MUC20: variants seen among roughly 807,000 people sequenced by gnomAD.
MUC20 encodes mucin 20, cell surface associated.
MUC20 carries 14 observed loss-of-function variants against 23.8 expected under a neutral mutation model. That is an observed-to-expected ratio of 0.59 (90% CI 0.39 to 0.92). The LOEUF is 0.92. Ranked by LOEUF, MUC20 falls within the 40% of genes least tolerant of loss-of-function variation. The pLI is 0.00. For synonymous variants in MUC20, 166 were observed against 279.3 expected, an observed-to-expected ratio of 0.59 and a Z score of 4.04; for missense variants, 375 against 668.8, an observed-to-expected ratio of 0.56 and a Z score of 4.85.
rs1036106686 is a variant in MUC20, at chr3:195,733,469, A to G, written c.*251A>G. On this transcript the variant is annotated 3_prime_UTR_variant, in exon 4 of 4. Transcript: ENST00000447234. Reference sequence around the variant, plus strand: ...GGTGTCCTTGGACTCACCTTGGCACATGTTCTGTGTTTCAGTAAAGAGAGA... The same window carrying G: ...GGTGTCCTTGGACTCACCTTGGCACGTGTTCTGTGTTTCAGTAAAGAGAGA... The G allele has an allele frequency of 1.4e-6, 2 of 1,408,908 alleles. No individual in the cohort carries two copies. Among genetic ancestry groups the G allele is most frequent in the Non-Finnish European group, 1.8e-6 (2 of 1,085,940 alleles). 87.3% of individuals were successfully genotyped at this position (1,408,908 alleles called of 1,614,324 possible).
rs1713106019 is a variant in MUC20 at position 195,729,336 on chromosome 3, GA to G, written c.1970-311del. 11 of 72,716 alleles carry G rather than the reference GA, an allele frequency of 1.5e-4. No homozygotes were observed. In the East Asian group the frequency reaches 2.9e-3, roughly 19 times the overall value. The allele number at this position is 72,716 out of a possible 1,614,324, so 4.5% of individuals were successfully genotyped here. On this transcript the variant is annotated intron_variant, in intron 2 of 3. Coordinates refer to ENST00000447234, the MANE Select transcript of MUC20 (RefSeq NM_001282506.2). ...CCTCTTTTTTTTTTTTTTTTTTTTT[GA>G]GACAGTTTCGCTCTTGTTGCCCAGG...
At chr3:195,726,806 G>A (rs1203232500) in intron 2 of MUC20, among the ~76,000 whole-genome samples, 2 of 152,256 alleles carry the variant, frequency 1.3e-5, no homozygotes, top group Admixed American at 6.5e-5. Flanking sequence ...TTGCGGTCTC[G>A]GCTCTGCCTG....
intron 3 of MUC20, among the ~76,000 whole-genome samples, chr3:195,730,483 C>G (rs1461694226): frequency 6.6e-6 from 1 of 152,130 alleles, no homozygotes; most frequent in Non-Finnish European, 1.5e-5. Context: ...GTAGCTGGGA[C>G]TACAGGCGCC....
intron 2 of MUC20, among the ~76,000 whole-genome samples, chr3:195,729,057 GAC>G (rs1375784670): frequency 6.6e-6 from 1 of 152,256 alleles, no homozygotes; most frequent in Non-Finnish European, 1.5e-5. Context: ...TTTCTACAGA[GAC>G]ACAGTGACAG....
chr3:195,728,655 A>C (rs1462442210), intron 2 of MUC20, among the ~76,000 whole-genome samples: 2 of 151,978 alleles, frequency 1.3e-5, no homozygotes, highest in Non-Finnish European at 2.9e-5. Context: ...CTCTTTTACT[A>C]ATCCACCTCA....
Position 195,726,558 on chromosome 3 carries a change from C to T in MUC20, c.1955C>T (p.Thr652Ile). 6.2e-7 allele frequency: 1 copy of T among 1,613,252 alleles called. No homozygotes were observed. Among genetic ancestry groups the T allele is most frequent in the Non-Finnish European group, 8.5e-7 (1 of 1,179,364 alleles). Residue 652 changes from threonine to isoleucine, a missense_variant, in exon 2 of 4, where the codon ACA becomes ATA. Transcript: ENST00000447234. ...TPTTARTRPT[T>I]DVSAGENGGF... Reference sequence around the variant, plus strand: ...ACGACTGCCCGGACGAGGCCGACCACAGACGTGAGTGCAGGTAAGTGGCTC... The same window carrying T: ...ACGACTGCCCGGACGAGGCCGACCATAGACGTGAGTGCAGGTAAGTGGCTC...
Position 195,729,922 on chromosome 3 carries a change from C to T in MUC20, c.2061+183C>T, listed in dbSNP as rs111901895. The T allele has an allele frequency of 6.4e-3, 4,075 of 636,694 alleles. 35 individuals are homozygous for T. In the African/African-American group the frequency reaches 0.067, roughly 10 times the overall value. The allele number at this position is 636,694 out of a possible 1,614,324, so 39.4% of individuals were successfully genotyped here. ...TGGCTTTGCTTCTGCCTGCCTTCTC[C>T]GAGTTCTTCATTTCCTTCTCTGCAA... is the stretch of plus-strand genomic sequence containing the variant. On this transcript the variant is annotated intron_variant, in intron 3 of 3. Coordinates refer to ENST00000447234, the MANE Select transcript of MUC20 (RefSeq NM_001282506.2).
chr3:195,726,711 T>G lies in MUC20; in HGVS notation c.1969+139T>G, dbSNP rs572367937. ...TCCTGATGTTGCCTCTTCGTGATCT[T>G]CTAGTGGTTCTTGGCGAAATCAGGA... On this transcript the variant is annotated intron_variant, in intron 2 of 3. Coordinates refer to ENST00000447234, the MANE Select transcript of MUC20 (RefSeq NM_001282506.2). The G allele has an allele frequency of 2.9e-4, 310 of 1,070,842 alleles. No individual in the cohort carries two copies. The African/African-American group carries it at 4.5e-3, about 16-fold the overall frequency. The allele number at this position is 1,070,842 out of a possible 1,614,324, so 66.3% of individuals were successfully genotyped here. A position where few individuals can be genotyped will look rare whatever the true frequency, so the allele number is the denominator to read the frequency against.
intron 3 of MUC20, among the ~76,000 whole-genome samples, chr3:195,731,220 C>T (rs1284015473): frequency 6.6e-6 from 1 of 152,260 alleles, no homozygotes; most frequent in African/African-American, 2.4e-5. Flanking sequence ...GCACCTCTCA[C>T]AGTCAATGGG....
At chr3:195,732,388 C>G (rs1713486740) in intron 3 of MUC20, among the ~76,000 whole-genome samples, 1 of 151,490 alleles carries the variant, frequency 6.6e-6, no homozygotes, top group Admixed American at 6.6e-5. Context: ...GAGACAGATT[C>G]TCGCTCTGTC....
Position 195,726,563 on chromosome 3 carries a change from G to A in MUC20, c.1960G>A (p.Val654Met), listed in dbSNP as rs113099255. ...TTARTRPTTD[V>M]SAGENGGFLL... ...TGCCCGGACGAGGCCGACCACAGAC[G>A]TGAGTGCAGGTAAGTGGCTCCTGCT... Residue 654 changes from valine to methionine, a missense_variant, in exon 2 of 4, where the codon GTG becomes ATG. By Grantham distance (21) the Val-to-Met change is conservative (BLOSUM62 1). Coordinates refer to ENST00000447234, the MANE Select transcript of MUC20 (RefSeq NM_001282506.2). The A allele has an allele frequency of 0.099, 153,963 of 1,562,248 alleles. 2,161 individuals are homozygous for A. Among genetic ancestry groups the A allele is most frequent in the Middle Eastern group, 0.2 (1,177 of 5,788 alleles).
chr3:195,731,990 GTTTT>G (rs1713439048), intron 3 of MUC20, among the ~76,000 whole-genome samples: 1 of 47,962 alleles, frequency 2.1e-5, no homozygotes, highest in Non-Finnish European at 5.8e-5. Context: ...GTTTTGTTTT[GTTTT>G]GTTTTGTTTT....
intron 3 of MUC20, among the ~76,000 whole-genome samples, chr3:195,730,446 C>T (rs1030984317): frequency 5.3e-5 from 8 of 152,194 alleles, no homozygotes; most frequent in Admixed American, 1.3e-4. Context: ...CCTGGGTTCA[C>T]GCCATTCTCC....
At chr3:195,731,172 G>T (rs535747839) in intron 3 of MUC20, among the ~76,000 whole-genome samples, 8 of 152,310 alleles carry the variant, frequency 5.3e-5, no homozygotes, top group African/African-American at 9.6e-5. Context: ...CACAGTCAAT[G>T]GGACAGTGCC....
At position 195,726,213 on chromosome 3, in the gene MUC20, C is replaced by T; in HGVS notation, c.1610C>T (p.Ser537Phe). 6.2e-7 allele frequency: 1 copy of T among 1,612,712 alleles called. No individual in the cohort carries two copies. Among genetic ancestry groups the T allele is most frequent in the Non-Finnish European group, 8.5e-7 (1 of 1,178,812 alleles). The change falls in exon 2 of 4, where the codon TCT becomes TTT. Residue 537 changes from serine to phenylalanine, a missense_variant. This residue lies in a region of MUC20 where 343 missense variants were observed against 340.2 expected (regional missense o/e 1.01). Coordinates refer to ENST00000447234, the MANE Select transcript of MUC20 (RefSeq NM_001282506.2). ...RNPLEETSALSVETPSYVKVS... is the reference protein window; with the variant it reads ...RNPLEETSALFVETPSYVKVS... ...CCCCTTGAAGAAACCTCAGCCCTCT[C>T]TGTTGAGACACCAAGTTACGTCAAA...
In MUC20 at chr3:195,720,980, T is replaced by C; in HGVS notation, c.-28T>C. ...GGTACCCGCGAGAGACAGCCAGCAG[T>C]TCTGTGGAGCAGCGGTGGCCGGCTA... On this transcript the variant is annotated 5_prime_UTR_variant, in exon 1 of 4. Transcript: ENST00000447234. The C allele has an allele frequency of 6.4e-7, 1 of 1,562,852 alleles. No homozygotes were observed. Among genetic ancestry groups the C allele is most frequent in the East Asian group, 2.3e-5 (1 of 42,672 alleles).
chr3:195,729,996 G>T, intron 3 of MUC20: 2 of 506,770 alleles, frequency 3.9e-6, no homozygotes, highest in Non-Finnish European at 7.0e-6. Context: ...GTCCTTGGAA[G>T]CTTGGCCTTC....
intron 3 of MUC20, among the ~76,000 whole-genome samples, chr3:195,731,427 CTCTG>C (rs1713377259): frequency 6.6e-6 from 1 of 152,236 alleles, no homozygotes; most frequent in Admixed American, 6.5e-5. Context: ...GAAAGAAAAC[CTCTG>C]TCTGTCGTAA....
At chr3:195,727,365 C>T (rs1375185842) in intron 2 of MUC20, among the ~76,000 whole-genome samples, 3 of 152,090 alleles carry the variant, frequency 2.0e-5, no homozygotes, top group Non-Finnish European at 4.4e-5. Flanking sequence ...GAGTGAAACT[C>T]CGTCTCAAAA....
Sources: allele counts gnomAD v4.1 joint callset (sites outside exome capture counted in the v4.1 genomes callset), GRCh38; gene constraint gnomAD v4.1.1; regional missense constraint gnomAD v4.1.1; transcripts MANE v1.5; gene names NCBI Gene and HGNC (gene_info 2026-07-23, HGNC 2026-07-21).